MYO5A: variants seen among roughly 807,000 people sequenced by gnomAD.
The protein encoded by MYO5A is myosin VA, also known as unconventional myosin-Va.
A neutral mutation model predicts 249.7 loss-of-function variants in MYO5A; 98 were observed. The ratio of observed to expected loss-of-function variants is 0.39; its 90% CI spans 0.33 to 0.46. The LOEUF (loss-of-function observed/expected upper bound fraction) is 0.46, where lower values mean the gene tolerates loss of function less well. MYO5A is among the 20% of genes least tolerant of loss of function. The pLI, the probability that MYO5A is intolerant of heterozygous loss-of-function variation, is 0.98. For missense variants in MYO5A, 1,696 were observed against 2,308.8 expected (o/e 0.73, Z 5.44); for synonymous variants, 778 against 810.6 (o/e 0.96, Z 0.68).
At chr15:52,336,666 G>A in intron 33 of MYO5A, 110 bp from the exon 34 acceptor site, 2 of 852,878 alleles carry the variant, frequency 2.3e-6, no homozygotes, top group East Asian at 2.7e-5. Flanking sequence ...TTTTACATAA[G>A]AGCTCATTGG....
intron 1 of MYO5A, chr15:52,435,609 A>G: frequency 2.2e-6 from 1 of 453,520 alleles, no homozygotes; most frequent in Non-Finnish European, 4.4e-6. Context: ...AATATTTTCA[A>G]GCCTTCCTAT....
chr15:52,330,236 G>C (rs1340185714), intron 35 of MYO5A, 117 bp downstream of exon 35: 1 of 1,330,900 alleles, frequency 7.5e-7, no homozygotes, highest in Non-Finnish European at 1.1e-6. Flanking sequence ...AGAATACATG[G>C]TATCTGATGA....
In MYO5A at chr15:52,420,710, A is replaced by ATC. The variant is rs1247748459; in HGVS notation, c.456-4410_456-4409insGA. 2.0e-5 allele frequency among the ~76,000 whole-genome samples: 3 copies of ATC among 152,198 alleles called. No homozygotes were observed. The East Asian group carries it at 5.8e-4, about 29-fold the overall frequency. ...CTGAAAGTAAAATCTGAGTGGGATA[A>ATC]TGAAGTATAAATATAAATCAGACAG... On this transcript the variant is annotated intron_variant, in intron 4 of 41. Transcript: ENST00000399233.
chr15:52,435,172 C>T (rs536344358), intron 1 of MYO5A, among the ~76,000 whole-genome samples: 4 of 150,960 alleles, frequency 2.6e-5, no homozygotes, highest in Admixed American at 6.6e-5. Context: ...AGTGGGTGAA[C>T]GAAAGTACAG....
chr15:52,459,945 G>C (rs914876878), intron 1 of MYO5A, among the ~76,000 whole-genome samples: 2 of 152,020 alleles, frequency 1.3e-5, no homozygotes, highest in African/African-American at 4.8e-5. Flanking sequence ...CGGCCGGTCA[G>C]AGACGCTCCT....
intron 3 of MYO5A, among the ~76,000 whole-genome samples, chr15:52,428,111 AAAC>A (rs2075437719): frequency 6.6e-6 from 1 of 152,250 alleles, no homozygotes; most frequent in Admixed American, 6.5e-5. Flanking sequence ...GAAGAGAAGA[AAAC>A]AACTGGTGAA....
At chr15:52,431,157 G>A (rs903271086) in intron 2 of MYO5A, among the ~76,000 whole-genome samples, 2 of 144,076 alleles carry the variant, frequency 1.4e-5, no homozygotes, top group African/African-American at 2.6e-5. Flanking sequence ...ATTTGAACCC[G>A]GGAGGTGGAG....
intron 1 of MYO5A, among the ~76,000 whole-genome samples, chr15:52,504,463 G>A (rs768239961): frequency 6.6e-6 from 1 of 152,072 alleles, no homozygotes; most frequent in Non-Finnish European, 1.5e-5. Context: ...TTTCACCCCC[G>A]AATGCTGTCA....
chr15:52,321,792 T>TAAAAAA (rs71875115), intron 37 of MYO5A, among the ~76,000 whole-genome samples: 20 of 92,848 alleles, frequency 2.2e-4, no homozygotes, highest in African/African-American at 6.5e-4. Flanking sequence ...GGAACTTAAC[T>TAAAAAA]AAAAAAAAAA....
chr15:52,496,782 A>T (rs1001843236), intron 1 of MYO5A, among the ~76,000 whole-genome samples: 4 of 152,198 alleles, frequency 2.6e-5, no homozygotes, highest in Non-Finnish European at 4.4e-5. Context: ...TTCAATATAC[A>T]CTTTGAGAAG....
intron 14 of MYO5A, among the ~76,000 whole-genome samples, chr15:52,387,368 G>C (rs550972084): frequency 2.6e-5 from 4 of 152,220 alleles, no homozygotes; most frequent in Non-Finnish European, 5.9e-5. Flanking sequence ...TCTCCATCTG[G>C]ATGGAGTGCG....
intron 18 of MYO5A, among the ~76,000 whole-genome samples, chr15:52,377,330 G>C (rs1329910313): frequency 6.6e-6 from 1 of 151,884 alleles, no homozygotes; most frequent in African/African-American, 2.4e-5. Context: ...GCTGAGGCAG[G>C]GGAATTGCTT....
intron 18 of MYO5A, among the ~76,000 whole-genome samples, chr15:52,377,822 C>T (rs1158095287): frequency 3.3e-5 from 5 of 152,104 alleles, no homozygotes; most frequent in African/African-American, 4.8e-5. Flanking sequence ...CCGCCCGCCA[C>T]GGCCTCCAAA....
chr15:52,528,918 GGCAGGGCCGGGCGGGGAGGGCCGC>G, upstream of MYO5A: 1 of 991,680 alleles, frequency 1.0e-6, no homozygotes, highest in Non-Finnish European at 1.3e-6. Flanking sequence ...AGCAGGGCAG[GGCAGGGCCGGGCGGGGAGGGCCGC>G]GCGGGGCGGG....
chr15:52,461,056 G>A (rs1218757677), intron 1 of MYO5A, among the ~76,000 whole-genome samples: 1 of 152,118 alleles, frequency 6.6e-6, no homozygotes, highest in African/African-American at 2.4e-5. Flanking sequence ...AGGCTCAGAC[G>A]ATCCTCCCGC....
intron 1 of MYO5A, among the ~76,000 whole-genome samples, chr15:52,455,436 G>A (rs1007038410): frequency 3.3e-5 from 5 of 152,002 alleles, no homozygotes; most frequent in Non-Finnish European, 7.4e-5. Context: ...TTGAAAAGTG[G>A]GGAATAGTTC....
intron 1 of MYO5A, among the ~76,000 whole-genome samples, chr15:52,459,282 T>C (rs1183113131): frequency 2.7e-5 from 4 of 150,808 alleles, no homozygotes; most frequent in African/African-American, 9.7e-5. Flanking sequence ...CAAAGGTCTC[T>C]GGTTTTCCTA....
chr15:52,391,360 G>GGA (rs2042227824), intron 12 of MYO5A, among the ~76,000 whole-genome samples: 1 of 152,180 alleles, frequency 6.6e-6, no homozygotes, highest in Non-Finnish European at 1.5e-5. Flanking sequence ...TGGATGCTTA[G>GGA]GAGGGTACAC....
At chr15:52,365,249 G>C (rs566603564) in intron 23 of MYO5A, among the ~76,000 whole-genome samples, 1 of 152,092 alleles carries the variant, frequency 6.6e-6, no homozygotes, top group African/African-American at 2.4e-5. Context: ...TTACTTCCCA[G>C]CTTCTAACCA....
Sources: allele counts gnomAD v4.1 joint callset (sites outside exome capture counted in the v4.1 genomes callset), GRCh38; gene constraint gnomAD v4.1.1; transcripts MANE v1.5; gene names NCBI Gene and HGNC (gene_info 2026-07-23, HGNC 2026-07-21).